MYH14: variants seen among roughly 807,000 people sequenced by gnomAD.
MYH14 encodes the protein myosin-14.
MYH14 carries 123 observed loss-of-function variants against 255.5 expected under a neutral mutation model. The observed-to-expected ratio is 0.48, with a 90% confidence interval of 0.42 to 0.56. The LOEUF (loss-of-function observed/expected upper bound fraction) is 0.56. Among genes scored for constraint, MYH14 ranks in the 20% least tolerant of loss-of-function variants. MYH14 has a pLI of 0.00. For missense variants in MYH14, 2,423 were observed against 2,802.3 expected (o/e 0.86, Z 3.06); for synonymous variants, 1,095 against 1,161.2 (o/e 0.94, Z 1.16).
At chr19:50,287,650 C>G (rs1382827964) in intron 34 of MYH14, among the ~76,000 whole-genome samples, 2 of 152,116 alleles carry the variant, frequency 1.3e-5, no homozygotes, top group Non-Finnish European at 2.9e-5. Flanking sequence ...TAGGCTCAAA[C>G]AATCCTCCCA....
At position 50,278,268 on chromosome 19, in the gene MYH14, T is replaced by G. The variant is rs1305383726; in HGVS notation, c.4011T>G (p.Ala1337=). ...GDGERARAEA[A]EKLQRAQAEL... ...GGGAGAGGGCACGAGCGGAGGCTGC[T>G]GAGAAGCTGCAGCGAGCCCAGGTAA... is the stretch of plus-strand genomic sequence containing the variant. The change falls in exon 30 of 43, where the codon GCT becomes GCG. Residue 1337 remains alanine (A), a synonymous_variant. Transcript: ENST00000642316. 1 of 1,566,724 alleles carries G rather than the reference T, an allele frequency of 6.4e-7. No homozygotes were observed.
At position 50,226,980 on chromosome 19, in the gene MYH14, G is replaced by T; in HGVS notation, c.874+14G>T. On this transcript the variant is annotated intron_variant, in intron 8 of 42. Transcript: ENST00000642316. ...ACATTGAGACCTGTATCCTCTCACA[G>T]CCCATGGGGGTGGCAGCCAAGGGGG... 1.2e-6 allele frequency: 2 copies of T among 1,613,582 alleles called. No homozygotes were observed. Among genetic ancestry groups the T allele is most frequent in the Non-Finnish European group, 1.7e-6 (2 of 1,179,620 alleles).
At chr19:50,260,499 C>T in intron 19 of MYH14, 147 bp from the exon 20 acceptor site, 1 of 640,458 alleles carries the variant, frequency 1.6e-6, no homozygotes, top group Non-Finnish European at 2.9e-6. Flanking sequence ...GGCGTGAATG[C>T]TCAGATGTGA....
In MYH14 at chr19:50,309,646, C is replaced by T; in HGVS notation, c.5967C>T (p.Gly1989=). ...TGGTCTCTCCTCCCCACAGACGCGGCCCCCTCACCTTCACCACCCGCACGG... is the reference window on the plus strand; with the variant it reads ...TGGTCTCTCCTCCCCACAGACGCGGTCCCCTCACCTTCACCACCCGCACGG... The part of the protein sequence containing the change: ...VTTLRNRLRR[G]PLTFTTRTVR... Residue 1989 remains glycine (G), a synonymous_variant, in exon 43 of 43, where the codon GGC becomes GGT. Coordinates refer to ENST00000642316, the MANE Select transcript of MYH14 (RefSeq NM_001145809.2). 4.3e-6 allele frequency: 7 copies of T among 1,609,822 alleles called. No individual in the cohort carries two copies. The highest frequency in any genetic ancestry group is 1.1e-5 in the South Asian group (1 of 90,140).
rs1354054473 is a variant in MYH14, at chr19:50,310,250, C to G, written c.*460C>G. ...TTTCTTGGCCTCTCTGAGGGTCTCTCTGTGCATCTTTTTAGGAATCTCGCT... is the reference window on the plus strand; with the variant it reads ...TTTCTTGGCCTCTCTGAGGGTCTCTGTGTGCATCTTTTTAGGAATCTCGCT... On this transcript the variant is annotated 3_prime_UTR_variant, in exon 43 of 43. Transcript: ENST00000642316. 1.9e-5 allele frequency: 4 copies of G among 211,344 alleles called. No homozygotes were observed. The highest frequency in any genetic ancestry group is 6.0e-5 in the Admixed American group (1 of 16,798). 13.1% of individuals were successfully genotyped at this position (211,344 alleles called of 1,614,324 possible). A position where few individuals can be genotyped will look rare whatever the true frequency, so the allele number is the denominator to read the frequency against.
chr19:50,291,149 C>A, intron 36 of MYH14, 101 bp downstream of exon 36: 1 of 1,194,148 alleles, frequency 8.4e-7, no homozygotes, highest in Non-Finnish European at 1.2e-6. Flanking sequence ...TCGCTCTCAA[C>A]CCACAGGCAG....
chr19:50,218,221 C>G (rs990528621), intron 3 of MYH14, among the ~76,000 whole-genome samples: 1 of 152,104 alleles, frequency 6.6e-6, no homozygotes, highest in Non-Finnish European at 1.5e-5. Context: ...CTCAAGTGAT[C>G]TGCCCACCTC....
intron 16 of MYH14, among the ~76,000 whole-genome samples, 161 bp from the exon 17 acceptor site, chr19:50,255,059 T>G (rs960024858): frequency 3.3e-5 from 5 of 152,198 alleles, no homozygotes; most frequent in Non-Finnish European, 1.5e-5. Flanking sequence ...TGGCCAACAT[T>G]CTGGTTTTCC....
At chr19:50,307,690 A>G (rs1477405282) in intron 41 of MYH14, among the ~76,000 whole-genome samples, 1 of 152,194 alleles carries the variant, frequency 6.6e-6, no homozygotes, top group Non-Finnish European at 1.5e-5. Flanking sequence ...CTGTGTCATA[A>G]GCAACTGCTT....
intron 10 of MYH14, among the ~76,000 whole-genome samples, chr19:50,237,018 G>C (rs2033688765): frequency 6.6e-6 from 1 of 152,138 alleles, no homozygotes; most frequent in Non-Finnish European, 1.5e-5. Flanking sequence ...GCGTATTCTG[G>C]ACATTTCATA....
chr19:50,247,792 G>A (rs750734694), intron 12 of MYH14, among the ~76,000 whole-genome samples: 134 of 152,106 alleles, frequency 8.8e-4, no homozygotes, highest in Non-Finnish European at 1.4e-3. Context: ...GAGGCCGGGT[G>A]TGGGGGCTCA....
intron 33 of MYH14, among the ~76,000 whole-genome samples, chr19:50,284,451 C>T (rs1601022720): frequency 6.6e-6 from 1 of 152,284 alleles, no homozygotes; most frequent in Admixed American, 6.5e-5. Flanking sequence ...ACTGCAACCT[C>T]TGCCTCCTGG....
chr19:50,224,050 C>T, intron 5 of MYH14, 104 bp from the exon 6 acceptor site: 1 of 821,454 alleles, frequency 1.2e-6, no homozygotes, highest in South Asian at 1.7e-5. Flanking sequence ...CCCCCTTCCC[C>T]CACCCCCCAT....
At chr19:50,279,519 G>A (rs1346727348) in intron 30 of MYH14, among the ~76,000 whole-genome samples, 1 of 152,146 alleles carries the variant, frequency 6.6e-6, no homozygotes, top group Non-Finnish European at 1.5e-5. Context: ...TGTAATCCTA[G>A]CTACTTGGGA....
intron 27 of MYH14, among the ~76,000 whole-genome samples, chr19:50,275,574 C>CGGA (rs1222813621): frequency 1.3e-5 from 2 of 152,184 alleles, no homozygotes; most frequent in East Asian, 3.9e-4. Flanking sequence ...CTCCTGCAAT[C>CGGA]CCAGCACTTT....
In MYH14 at chr19:50,307,130, G is replaced by T; in HGVS notation, c.5760G>T (p.Arg1920=). Residue 1920 remains arginine (R), a synonymous_variant, in exon 41 of 43, where the codon CGG becomes CGT. Transcript: ENST00000642316. ...TGGTGCTCCAGGTGGAGGAGGAGCG[G>T]AGGGTGGCTGACCAGCTCCGGGACC... ...KEVVLQVEEE[R]RVADQLRDQL... is the part of the protein sequence containing the mutation. 6.5e-7 allele frequency: 1 copy of T among 1,549,632 alleles called. No individual in the cohort carries two copies. The highest frequency in any genetic ancestry group is 1.2e-5 in the South Asian group (1 of 83,980).
intron 33 of MYH14, among the ~76,000 whole-genome samples, chr19:50,283,634 A>T (rs926046762): frequency 6.6e-6 from 1 of 152,192 alleles, no homozygotes; most frequent in Non-Finnish European, 1.5e-5. Context: ...GGTTTTAATT[A>T]ACATTTCCCT....
intron 40 of MYH14, 54 bp downstream of exon 40, chr19:50,301,923 G>A (rs998912113): frequency 1.4e-6 from 2 of 1,396,598 alleles, no homozygotes; most frequent in South Asian, 2.4e-5. Context: ...TCTGGTTGGT[G>A]AGAGGAAGGA....
intron 35 of MYH14, among the ~76,000 whole-genome samples, chr19:50,290,009 T>C (rs2036018015): frequency 6.6e-6 from 1 of 152,036 alleles, no homozygotes; most frequent in Non-Finnish European, 1.5e-5. Context: ...ACATCCTCCA[T>C]CCACCACACA....
Sources: gnomAD v4.1 joint callset for allele counts (sites outside exome capture counted in the v4.1 genomes callset) on GRCh38, gnomAD v4.1.1 for gene constraint, MANE v1.5 for transcripts, NCBI Gene and HGNC (gene_info 2026-07-23, HGNC 2026-07-21) for gene names.